Variants in C10orf90 observed in about 807,000 individuals in gnomAD.
C10orf90 encodes the protein chromosome 10 open reading frame 90.
C10orf90 carries 56 observed loss-of-function variants against 62.5 expected under a neutral mutation model. The ratio of observed to expected loss-of-function variants is 0.90; its 90% CI spans 0.72 to 1.12. The LOEUF is 1.12. C10orf90 is among the 50% of genes most tolerant of loss of function. The pLI, the probability that C10orf90 is intolerant of heterozygous loss-of-function variation, is 0.00. For missense variants in C10orf90, 970 were observed against 880.4 expected (o/e 1.10, Z -1.29); for synonymous variants, 386 against 340.4 (o/e 1.13, Z -1.47).
At chr10:126,613,653 C>G (rs575370813) in intron 2 of C10orf90, among the ~76,000 whole-genome samples, 1 of 152,308 alleles carries the variant, frequency 6.6e-6, no homozygotes, top group East Asian at 1.9e-4. Flanking sequence ...GAGCCTTTAT[C>G]CCTCTTCAAT....
chr10:126,645,222 T>C (rs1302737172), intron 2 of C10orf90, among the ~76,000 whole-genome samples: 1 of 144,912 alleles, frequency 6.9e-6, no homozygotes, highest in Non-Finnish European at 1.5e-5. Flanking sequence ...GTAACTAACC[T>C]GCACATTGTG....
intron 2 of C10orf90, among the ~76,000 whole-genome samples, chr10:126,631,836 C>T (rs2804443): frequency 0.45 from 67,706 of 151,020 alleles, 15,333 homozygotes; most frequent in South Asian, 0.59. Context: ...GAGACAGTCA[C>T]GAAAGAACCA....
intron 7 of C10orf90, among the ~76,000 whole-genome samples, chr10:126,457,264 C>G (rs544071934): frequency 6.6e-6 from 1 of 152,230 alleles, no homozygotes; most frequent in Non-Finnish European, 1.5e-5. Flanking sequence ...GCTGGGATTA[C>G]AGGTGTGAGC....
chr10:126,618,118 T>G (rs1251654217), intron 2 of C10orf90, among the ~76,000 whole-genome samples: 1 of 152,148 alleles, frequency 6.6e-6, no homozygotes, highest in Admixed American at 6.5e-5. Context: ...TGGAAGGAAT[T>G]TTATTACCAT....
intron 2 of C10orf90, among the ~76,000 whole-genome samples, chr10:126,529,893 T>C (rs1864046901): frequency 6.6e-6 from 1 of 152,202 alleles, no homozygotes; most frequent in Admixed American, 6.5e-5. Flanking sequence ...AGATGTGCCA[T>C]TTACAAATGT....
intron 2 of C10orf90, among the ~76,000 whole-genome samples, chr10:126,536,356 T>C (rs746244848): frequency 6.6e-6 from 1 of 152,216 alleles, no homozygotes; most frequent in Non-Finnish European, 1.5e-5. Context: ...TAGCTGGAGC[T>C]TGGCGCTGTC....
At chr10:126,440,859 G>T (rs1590900729) in intron 7 of C10orf90, among the ~76,000 whole-genome samples, 1 of 152,106 alleles carries the variant, frequency 6.6e-6, no homozygotes, top group Admixed American at 6.5e-5. Flanking sequence ...TACATCAAGG[G>T]AACACCCTGT....
chr10:126,624,727 CT>C (rs1172897591), intron 2 of C10orf90, among the ~76,000 whole-genome samples: 3 of 152,130 alleles, frequency 2.0e-5, no homozygotes, highest in African/African-American at 7.2e-5. Context: ...TAGGTGTCAC[CT>C]TTTGAATTTT....
At position 126,459,167 on chromosome 10, in the gene C10orf90, C is replaced by A. The variant is rs776170084; in HGVS notation, c.2061G>T (p.Arg687=). 5.0e-6 allele frequency: 8 copies of A among 1,614,200 alleles called. No homozygotes were observed. In the Middle Eastern group the frequency reaches 6.6e-4, roughly 133 times the overall value. Residue 687 remains arginine (R), a synonymous_variant, in exon 7 of 10, where the codon CGG becomes CGT. Transcript: ENST00000488181. ...GGACCATGTGTTCAAGCTTCTTCAG[C>A]CGTTCTTGTGAGCGAGAAATGAACT... The part of the protein sequence containing the change: ...KPQFISRSQE[R]LKKLEHMVQQ...
chr10:126,469,998 T>C (rs1860488310), intron 4 of C10orf90: 2 of 456,466 alleles, frequency 4.4e-6, no homozygotes, highest in Non-Finnish European at 8.8e-6. Context: ...CTTCTGCATG[T>C]TGTGTCCTGC....
At chr10:126,520,662 A>C (rs1160554314) in intron 2 of C10orf90, 3 of 152,272 alleles carry the variant, frequency 2.0e-5, no homozygotes, top group Admixed American at 1.3e-4. Flanking sequence ...GAGCAGCTGG[A>C]TACAACAGGG....
chr10:126,579,586 A>C (rs939019506), intron 2 of C10orf90, among the ~76,000 whole-genome samples: 7 of 152,198 alleles, frequency 4.6e-5, no homozygotes, highest in Non-Finnish European at 1.0e-4. Context: ...AATTTTGCTG[A>C]ACTCTGTTCA....
At chr10:126,531,658 T>C (rs1864099246) in intron 2 of C10orf90, among the ~76,000 whole-genome samples, 1 of 152,162 alleles carries the variant, frequency 6.6e-6, no homozygotes, top group Admixed American at 6.5e-5. Flanking sequence ...CAGACCTTGC[T>C]CTAACATTAA....
chr10:126,653,536 T>C (rs1055754886), intron 1 of C10orf90, among the ~76,000 whole-genome samples: 1 of 152,244 alleles, frequency 6.6e-6, no homozygotes, highest in Non-Finnish European at 1.5e-5. Flanking sequence ...CAGGCTCCAC[T>C]TCTAATTCAA....
At chr10:126,528,933 A>G (rs1051761260) in intron 2 of C10orf90, among the ~76,000 whole-genome samples, 1 of 152,218 alleles carries the variant, frequency 6.6e-6, no homozygotes, top group African/African-American at 2.4e-5. Context: ...GTAGCCAGGG[A>G]TCTGCCCTAT....
At chr10:126,629,417 C>T (rs934673349) in intron 2 of C10orf90, among the ~76,000 whole-genome samples, 6 of 152,168 alleles carry the variant, frequency 3.9e-5, no homozygotes, top group Non-Finnish European at 8.8e-5. Context: ...ACCATCTCTT[C>T]GGCACCCTCA....
rs1846137799 is a variant in C10orf90, at chr10:126,644,993, C to T, written c.313+1572G>A. 2.0e-5 allele frequency among the ~76,000 whole-genome samples: 3 copies of T among 152,118 alleles called. No individual in the cohort carries two copies. The East Asian group carries it at 5.8e-4, about 29-fold the overall frequency. On this transcript the variant is annotated intron_variant, in intron 2 of 9. Coordinates refer to ENST00000488181, the MANE Select transcript of C10orf90 (RefSeq NM_001350921.2). ...ACTAAATATCTGTCACTATCATTCTCAGTAAACTATCGCAAGAACAAAAAA... is the reference window on the plus strand; with the variant it reads ...ACTAAATATCTGTCACTATCATTCTTAGTAAACTATCGCAAGAACAAAAAA...
At chr10:126,577,857 CA>C (rs1003301260) in intron 2 of C10orf90, among the ~76,000 whole-genome samples, 30 of 151,884 alleles carry the variant, frequency 2.0e-4, no homozygotes, top group Admixed American at 2.0e-3. Flanking sequence ...TAATTTATGA[CA>C]AATGCAATAC....
intron 2 of C10orf90, among the ~76,000 whole-genome samples, chr10:126,545,477 T>C (rs1864470028): frequency 6.6e-6 from 1 of 150,398 alleles, no homozygotes; most frequent in Non-Finnish European, 1.5e-5. Context: ...AAAAAAAACC[T>C]TTAAAAGTAT....
Sources: allele counts gnomAD v4.1 joint callset (sites outside exome capture counted in the v4.1 genomes callset), GRCh38; gene constraint gnomAD v4.1.1; transcripts MANE v1.5; gene names NCBI Gene and HGNC (gene_info 2026-07-23, HGNC 2026-07-21).